The following CPA4 variants were observed in gnomAD, a reference collection of about 807,000 sequenced individuals.
CPA4 encodes carboxypeptidase A4.
Under a neutral mutation model 54.7 loss-of-function variants are expected in CPA4, and 49 were observed. That is an observed-to-expected ratio of 0.90 (90% CI 0.71 to 1.14). CPA4 has a LOEUF of 1.14. Ranked by LOEUF, CPA4 falls within the 50% of genes most tolerant of loss-of-function variation. CPA4 has a pLI of 0.00. For missense variants in CPA4, 487 were observed against 525.1 expected, an observed-to-expected ratio of 0.93 and a Z score of 0.71; for synonymous variants, 215 against 206.8, an observed-to-expected ratio of 1.04 and a Z score of -0.34.
At chr7:130,308,521 A>T (rs1002315081) in intron 8 of CPA4, 124 bp downstream of exon 8, 4 of 716,568 alleles carry the variant, frequency 5.6e-6, no homozygotes, top group Non-Finnish European at 7.6e-6. Flanking sequence ...TCACTGAGAG[A>T]CTGAGGAGCA....
intron 2 of CPA4, 32 bp from the exon 3 acceptor site, chr7:130,299,238 C>T: frequency 1.2e-6 from 2 of 1,610,752 alleles, no homozygotes; most frequent in East Asian, 2.2e-5. Context: ...CTGAACGGTC[C>T]TTTAACCTGG....
intron 1 of CPA4, among the ~76,000 whole-genome samples, chr7:130,295,891 A>G (rs1035206173): frequency 1.3e-5 from 2 of 152,212 alleles, no homozygotes; most frequent in African/African-American, 4.8e-5. Flanking sequence ...AGGCAGGAGA[A>G]TCACTTGAAC....
At chr7:130,317,216 A>C (rs1794002758) in intron 10 of CPA4, among the ~76,000 whole-genome samples, 1 of 152,206 alleles carries the variant, frequency 6.6e-6, no homozygotes, top group Non-Finnish European at 1.5e-5. Flanking sequence ...AGATTTGTTT[A>C]GACAGACAAA....
At chr7:130,296,149 A>G (rs2117129496) in intron 1 of CPA4, among the ~76,000 whole-genome samples, 1 of 152,306 alleles carries the variant, frequency 6.6e-6, no homozygotes, top group Non-Finnish European at 1.5e-5. Context: ...GAGAAAAAGG[A>G]TGGATTGCAG....
chr7:130,296,197 C>T (rs955921097), intron 1 of CPA4, among the ~76,000 whole-genome samples: 11 of 152,068 alleles, frequency 7.2e-5, no homozygotes, highest in African/African-American at 1.7e-4. Flanking sequence ...TACAAAAGTA[C>T]GCGGTGAGTT....
Position 130,306,801 on chromosome 7 carries a change from C to T in CPA4, c.606C>T (p.Tyr202=), listed in dbSNP as rs145249956. Residue 202 remains tyrosine (Y), a synonymous_variant, in exon 7 of 11, where the codon TAC becomes TAT. Transcript: ENST00000222482. Reference sequence around the variant, plus strand: ...TCTCTGCTTAGATTGTATCTGATTACCAGAGGGATCCAGCTATCACCTCCA... The same window carrying T: ...TCTCTGCTTAGATTGTATCTGATTATCAGAGGGATCCAGCTATCACCTCCA... ...IWTARKIVSD[Y]QRDPAITSIL... The T allele has an allele frequency of 1.1e-5, 17 of 1,601,638 alleles. No homozygotes were observed. The highest frequency in any genetic ancestry group is 4.0e-5 in the African/African-American group (3 of 74,684).
intron 10 of CPA4, 119 bp downstream of exon 10, chr7:130,312,241 A>G: frequency 1.4e-6 from 1 of 727,026 alleles, no homozygotes; most frequent in Non-Finnish European, 2.4e-6. Context: ...TGTTGTTGGT[A>G]ATAGACTGAA....
intron 3 of CPA4, 46 bp downstream of exon 3, chr7:130,299,450 G>A: frequency 6.3e-7 from 1 of 1,592,348 alleles, no homozygotes; most frequent in African/African-American, 1.3e-5. Flanking sequence ...ATAGGACCAG[G>A]CAGCCAGTCC....
At position 130,310,845 on chromosome 7, in the gene CPA4, G is replaced by A. The variant is rs771669271; in HGVS notation, c.852G>A (p.Ser284=). ...TGTACCATGGACCCCACGCCAATTC[G>A]GAAGTGGAGGTGAAATCAGTGGTAG... ...SEVYHGPHAN[S]EVEVKSVVDF... is the part of the protein sequence containing the mutation. The change falls in exon 9 of 11, where the codon TCG becomes TCA. Residue 284 remains serine, a synonymous_variant. Transcript: ENST00000222482. This position sits in a 1 kb window ranked among gnomAD's most constrained non-coding sequence, Gnocchi z 4.3. The A allele has an allele frequency of 1.6e-5, 26 of 1,614,092 alleles. No individual in the cohort carries two copies. The highest frequency in any genetic ancestry group is 2.2e-5 in the Non-Finnish European group (26 of 1,180,032).
chr7:130,306,834 G>GA lies in CPA4; in HGVS notation c.643dup (p.Met215AsnfsTer12), dbSNP rs1320541385. 1.5e-5 allele frequency: 24 copies of GA among 1,612,252 alleles called. No homozygotes were observed. Among genetic ancestry groups the GA allele is most frequent in the Non-Finnish European group, 1.9e-5 (22 of 1,178,262 alleles). On this transcript the variant is annotated frameshift_variant, in exon 7 of 11. Coordinates refer to ENST00000222482, the MANE Select transcript of CPA4 (RefSeq NM_016352.4). LOFTEE classifies it high-confidence loss of function. Reference sequence around the variant, plus strand: ...ATCCAGCTATCACCTCCATCTTGGAGAAAATGGATATTTTCTTGTTGCCTG... The same window carrying GA: ...ATCCAGCTATCACCTCCATCTTGGAGAAAAATGGATATTTTCTTGTTGCCTG...
chr7:130,307,953 CAG>C (rs1438435338), intron 7 of CPA4, among the ~76,000 whole-genome samples: 1 of 152,180 alleles, frequency 6.6e-6, no homozygotes, highest in East Asian at 1.9e-4. Context: ...AAGCAAGAAA[CAG>C]GGGCTGTGCG....
rs1026234103 is a variant in CPA4, at chr7:130,306,840, G to T, written c.645G>T (p.Met215Ile). ...CTATCACCTCCATCTTGGAGAAAAT[G>T]GATATTTTCTTGTTGCCTGTGGCCA... is the stretch of plus-strand genomic sequence containing the variant. ...DPAITSILEK[M>I]DIFLLPVANP... The change falls in exon 7 of 11, where the codon ATG becomes ATT. Residue 215 changes from methionine to isoleucine, a missense_variant. Coordinates refer to ENST00000222482, the MANE Select transcript of CPA4 (RefSeq NM_016352.4). The T allele has an allele frequency of 6.2e-7, 1 of 1,612,360 alleles. No individual in the cohort carries two copies. The highest frequency in any genetic ancestry group is 8.5e-7 in the Non-Finnish European group (1 of 1,178,390).
chr7:130,304,337 G>A lies in CPA4; in HGVS notation c.385-141G>A, dbSNP rs796696465. Reference sequence around the variant, plus strand: ...TATTCAGGCAGGTCTCATAATCAGCGTTTCCATGCCGATAATATGGTCAAT... The same window carrying A: ...TATTCAGGCAGGTCTCATAATCAGCATTTCCATGCCGATAATATGGTCAAT... On this transcript the variant is annotated intron_variant, in intron 4 of 10. Coordinates refer to ENST00000222482, the MANE Select transcript of CPA4 (RefSeq NM_016352.4). 393 of 712,206 alleles carry A rather than the reference G, an allele frequency of 5.5e-4. 1 individual carries two copies. The highest frequency in any genetic ancestry group is 8.4e-4 in the Non-Finnish European group (325 of 387,806). 44.1% of individuals were successfully genotyped at this position (712,206 alleles called of 1,614,324 possible).
chr7:130,296,769 T>G (rs1312449252), intron 1 of CPA4, among the ~76,000 whole-genome samples: 1 of 141,714 alleles, frequency 7.1e-6, no homozygotes, highest in Non-Finnish European at 1.5e-5. Context: ...TCACTGCAGC[T>G]TTTGAACTCC....
At chr7:130,304,081 G>A (rs1417842956) in intron 4 of CPA4, among the ~76,000 whole-genome samples, 6 of 151,898 alleles carry the variant, frequency 4.0e-5, no homozygotes, top group African/African-American at 1.5e-4. Context: ...TGCCCAGGCT[G>A]TCTCAAACTC....
chr7:130,295,104 G>C (rs1197249488), intron 1 of CPA4, among the ~76,000 whole-genome samples: 1 of 152,236 alleles, frequency 6.6e-6, no homozygotes, highest in African/African-American at 2.4e-5. Flanking sequence ...CAGTTGCAGA[G>C]CTGGTTACAG....
chr7:130,293,951 C>G (rs946067578), intron 1 of CPA4, among the ~76,000 whole-genome samples: 2 of 152,080 alleles, frequency 1.3e-5, no homozygotes, highest in Non-Finnish European at 2.9e-5. Flanking sequence ...TTGAGGTTTG[C>G]AGGGGAGAGG....
rs1793689754 is a variant in CPA4 at position 130,298,607 on chromosome 7, C to T, written c.69-139C>T. 6 of 570,246 alleles carry T rather than the reference C, an allele frequency of 1.1e-5. No homozygotes were observed. The South Asian group carries it at 1.3e-4, about 12-fold the overall frequency. 35.3% of individuals were successfully genotyped at this position (570,246 alleles called of 1,614,324 possible). The stretch of plus-strand genomic sequence containing the variant: ...GCCATGTAGCCTCATTTTTAATGGC[C>T]ATACATTAAAACCAAAGACTAGACC... On this transcript the variant is annotated intron_variant, in intron 1 of 10. Transcript: ENST00000222482.
Position 130,298,678 on chromosome 7 carries a change from G to C in CPA4, c.69-68G>C, listed in dbSNP as rs1363813065. The C allele has an allele frequency of 6.4e-6, 6 of 939,096 alleles. No individual in the cohort carries two copies. In the African/African-American group the frequency reaches 9.7e-5, roughly 15 times the overall value. The allele number at this position is 939,096 out of a possible 1,614,324, so 58.2% of individuals were successfully genotyped here. On this transcript the variant is annotated intron_variant, in intron 1 of 10. Transcript: ENST00000222482. ...GTTACGTCTGGGATAGGAGGCTTGGGGGTTTCTTTGCCAGCTGAAAGCTCA... is the reference window on the plus strand; with the variant it reads ...GTTACGTCTGGGATAGGAGGCTTGGCGGTTTCTTTGCCAGCTGAAAGCTCA...
Sources: gnomAD v4.1 joint callset for allele counts (sites outside exome capture counted in the v4.1 genomes callset) on GRCh38, gnomAD v4.1.1 for gene constraint, Gnocchi (gnomAD v3.1) non-coding constraint, MANE v1.5 for transcripts, NCBI Gene and HGNC (gene_info 2026-07-23, HGNC 2026-07-21) for gene names.